The following PLD5 variants were observed in gnomAD, a reference collection of about 807,000 sequenced individuals.
PLD5 encodes inactive phospholipase D5.
A neutral mutation model predicts 61.1 loss-of-function variants in PLD5; 36 were observed. The observed-to-expected ratio is 0.59, with a 90% confidence interval of 0.45 to 0.78. The LOEUF (loss-of-function observed/expected upper bound fraction) is 0.78. PLD5 is among the 30% of genes least tolerant of loss of function. PLD5 has a pLI of 0.00. For synonymous variants in PLD5, 243 were observed against 242.8 expected (o/e 1.00, Z -0.01); for missense variants, 515 against 644.4 (o/e 0.80, Z 2.17).
rs1349784556 is a variant in PLD5, at chr1:242,152,421, A to G, written c.736-27756T>C. 7.9e-5 allele frequency among the ~76,000 whole-genome samples: 12 copies of G among 152,142 alleles called. No homozygotes were observed. In the East Asian group the frequency reaches 2.3e-3, roughly 29 times the overall value. On this transcript the variant is annotated intron_variant, in intron 5 of 9. Coordinates refer to ENST00000536534, the MANE Select transcript of PLD5 (RefSeq NM_001372062.1). ...TACAGAATGTGCAGTATTGTTACATAGGTATACATGTGCCATGGTGGTTTG... is the reference window on the plus strand; with the variant it reads ...TACAGAATGTGCAGTATTGTTACATGGGTATACATGTGCCATGGTGGTTTG...
intron 5 of PLD5, among the ~76,000 whole-genome samples, chr1:242,166,381 G>A (rs114004496): frequency 0.019 from 2,922 of 152,264 alleles, 110 homozygotes; most frequent in African/African-American, 0.067. Flanking sequence ...TTTAGGACAG[G>A]GTGGCTAGCC....
At chr1:242,101,737 C>T (rs1349962279) in intron 8 of PLD5, among the ~76,000 whole-genome samples, 2 of 152,160 alleles carry the variant, frequency 1.3e-5, no homozygotes, top group African/African-American at 2.4e-5. Context: ...TAAGTGTTCA[C>T]ATTTGGTTTG....
intron 2 of PLD5, among the ~76,000 whole-genome samples, chr1:242,341,718 C>T (rs1169210102): frequency 7.2e-6 from 1 of 139,720 alleles, no homozygotes; most frequent in African/African-American, 2.7e-5. Context: ...TTTGTACAGA[C>T]CCAAATCTAT....
At chr1:242,170,520 C>T (rs1325650421) in intron 5 of PLD5, among the ~76,000 whole-genome samples, 2 of 152,136 alleles carry the variant, frequency 1.3e-5, no homozygotes, top group Non-Finnish European at 2.9e-5. Context: ...CACAACTCCT[C>T]AACAGCAAGG....
At chr1:242,394,091 T>TGA (rs1285870431) in intron 1 of PLD5, among the ~76,000 whole-genome samples, 4 of 138,042 alleles carry the variant, frequency 2.9e-5, no homozygotes, top group Non-Finnish European at 4.7e-5. Context: ...AGTATATATA[T>TGA]GTATATATGT....
intron 2 of PLD5, among the ~76,000 whole-genome samples, chr1:242,330,760 C>A (rs1181790613): frequency 6.6e-6 from 1 of 152,128 alleles, no homozygotes; most frequent in Non-Finnish European, 1.5e-5. Flanking sequence ...ATTTTTCATA[C>A]ATGTTAATAA....
chr1:242,376,452 ATTAC>A (rs1385807086), intron 1 of PLD5, among the ~76,000 whole-genome samples: 1 of 152,158 alleles, frequency 6.6e-6, no homozygotes, highest in Admixed American at 6.5e-5. Flanking sequence ...GAGACCCACA[ATTAC>A]TTACTATTTA....
chr1:242,217,508 C>T (rs1670290877), intron 5 of PLD5, among the ~76,000 whole-genome samples: 1 of 151,320 alleles, frequency 6.6e-6, no homozygotes, highest in African/African-American at 2.5e-5. Context: ...CCTGTAATCC[C>T]AGCTACTTGG....
chr1:242,124,487 T>G lies in PLD5; in HGVS notation c.914A>C (p.Lys305Thr). 1 of 1,613,834 alleles carries G rather than the reference T, an allele frequency of 6.2e-7. No individual in the cohort carries two copies. The highest frequency in any genetic ancestry group is 8.5e-7 in the Non-Finnish European group (1 of 1,179,872). Residue 305 changes from lysine to threonine, a missense_variant, in exon 6 of 10, where the codon AAA (lysine) becomes ACA (threonine). By Grantham distance (78) the Lys-to-Thr change is moderately conservative. This residue lies in a region of PLD5 where 450 missense variants were observed against 598.1 expected (regional missense o/e 0.75). Transcript: ENST00000536534. ...ACTCACCGATACAAATGCTTGAGAT[T>G]TGGTTTCATTCAACTGAAGTTGCAA... is the stretch of plus-strand genomic sequence containing the variant. ...KKLQLQLNET[K>T]SQAFVSNSPK... is the part of the protein sequence containing the mutation.
At chr1:242,355,329 C>A (rs1422458043) in intron 1 of PLD5, among the ~76,000 whole-genome samples, 1 of 152,030 alleles carries the variant, frequency 6.6e-6, no homozygotes, top group African/African-American at 2.4e-5. Flanking sequence ...TTTTGTATTT[C>A]TTTGTCATTC....
chr1:242,394,931 T>TTA (rs1663388838), intron 1 of PLD5, among the ~76,000 whole-genome samples: 3 of 51,686 alleles, frequency 5.8e-5, no homozygotes, highest in Admixed American at 2.4e-4. Context: ...TATGTATACA[T>TTA]TATATGAATA....
At chr1:242,314,524 T>C (rs1300955570) in intron 2 of PLD5, among the ~76,000 whole-genome samples, 1 of 152,198 alleles carries the variant, frequency 6.6e-6, no homozygotes, top group Non-Finnish European at 1.5e-5. Flanking sequence ...GGAAAACTCC[T>C]TCTCTCCGAA....
At chr1:242,471,585 TC>T (rs1667450288) in intron 1 of PLD5, among the ~76,000 whole-genome samples, 1 of 151,922 alleles carries the variant, frequency 6.6e-6, no homozygotes, top group African/African-American at 2.4e-5. Context: ...TTTCTTAACC[TC>T]CAAATACCTT....
chr1:242,348,849 T>TGG (rs1660297332), intron 1 of PLD5, among the ~76,000 whole-genome samples: 2 of 152,090 alleles, frequency 1.3e-5, no homozygotes, highest in Non-Finnish European at 2.9e-5. Flanking sequence ...GGTCAGGAGA[T>TGG]CAAGACCGTC....
intron 1 of PLD5, among the ~76,000 whole-genome samples, chr1:242,359,258 G>A (rs1660936734): frequency 6.6e-6 from 1 of 152,074 alleles, no homozygotes; most frequent in African/African-American, 2.4e-5. Context: ...AGGCTTCCTG[G>A]GAAGTGTCAG....
At chr1:242,296,215 G>A (rs1392862622) in intron 2 of PLD5, among the ~76,000 whole-genome samples, 2 of 152,156 alleles carry the variant, frequency 1.3e-5, no homozygotes, top group Non-Finnish European at 2.9e-5. Context: ...AAAAGTGTCT[G>A]TTCACGTACT....
intron 1 of PLD5, among the ~76,000 whole-genome samples, chr1:242,509,805 G>T (rs2102999401): frequency 6.6e-6 from 1 of 152,258 alleles, no homozygotes; most frequent in South Asian, 2.1e-4. Flanking sequence ...GAAGTCAGGA[G>T]GATGAGAAGA....
chr1:242,114,123 A>G (rs1270338537), intron 6 of PLD5, 97 bp from the exon 7 acceptor site: 2 of 1,370,570 alleles, frequency 1.5e-6, no homozygotes, highest in Non-Finnish European at 2.0e-6. Flanking sequence ...GCTTGTAACT[A>G]TATTTTTGCA....
chr1:242,442,678 G>A (rs1192013481), intron 1 of PLD5, among the ~76,000 whole-genome samples: 1 of 152,102 alleles, frequency 6.6e-6, no homozygotes, highest in African/African-American at 2.4e-5. Flanking sequence ...TTATCTTAAA[G>A]TTTTTTAACT....
Sources: gnomAD v4.1 joint callset for allele counts (sites outside exome capture counted in the v4.1 genomes callset) on GRCh38, gnomAD v4.1.1 for gene constraint, gnomAD v4.1.1 regional missense constraint, MANE v1.5 for transcripts, NCBI Gene and HGNC (gene_info 2026-07-23, HGNC 2026-07-21) for gene names.